Variants in TGFBR3 observed in about 807,000 individuals in gnomAD.
TGFBR3 encodes the protein transforming growth factor beta receptor 3.
TGFBR3 carries 46 observed loss-of-function variants against 87.9 expected under a neutral mutation model. The ratio of observed to expected loss-of-function variants is 0.52; its 90% CI spans 0.41 to 0.67. The LOEUF (loss-of-function observed/expected upper bound fraction) is 0.67, where lower values mean the gene tolerates loss of function less well. Ranked by LOEUF, TGFBR3 falls within the 30% of genes least tolerant of loss-of-function variation. The pLI is 0.00. For synonymous variants in TGFBR3, 381 were observed against 391.6 expected (o/e 0.97, Z 0.32); for missense variants, 866 against 1,041.9 (o/e 0.83, Z 2.32).
At chr1:91,742,404 C>T (rs543868872) in intron 4 of TGFBR3, among the ~76,000 whole-genome samples, 1 of 152,190 alleles carries the variant, frequency 6.6e-6, no homozygotes, top group Non-Finnish European at 1.5e-5. Context: ...ATGTTGTTAC[C>T]TACAGGAAAA....
At chr1:91,761,031 T>C (rs1023418328) in intron 3 of TGFBR3, among the ~76,000 whole-genome samples, 10 of 152,348 alleles carry the variant, frequency 6.6e-5, no homozygotes, top group African/African-American at 2.2e-4. Context: ...ATTTACTGAG[T>C]ACCATAATGA....
chr1:91,687,039 G>C (rs1165953830), intron 16 of TGFBR3, among the ~76,000 whole-genome samples: 1 of 152,196 alleles, frequency 6.6e-6, no homozygotes, highest in Non-Finnish European at 1.5e-5. Flanking sequence ...GTAGGGGAGA[G>C]AGGAATTTGG....
intron 2 of TGFBR3, among the ~76,000 whole-genome samples, chr1:91,824,008 T>A (rs920333910): frequency 6.6e-6 from 1 of 152,098 alleles, no homozygotes; most frequent in Non-Finnish European, 1.5e-5. Flanking sequence ...TGCACACCTG[T>A]AGTACCAGTG....
chr1:91,775,073 G>A (rs1337779400), intron 3 of TGFBR3, among the ~76,000 whole-genome samples: 1 of 152,172 alleles, frequency 6.6e-6, no homozygotes, highest in Admixed American at 6.5e-5. Context: ...AGCTGGTTAT[G>A]GCATGGTTGG....
chr1:91,722,919 T>A (rs1022628132), intron 7 of TGFBR3, among the ~76,000 whole-genome samples: 2 of 152,374 alleles, frequency 1.3e-5, no homozygotes, highest in Non-Finnish European at 2.9e-5. Context: ...GGTCCCTCAC[T>A]GACTGAACCA....
At chr1:91,801,003 A>C (rs1483829279) in intron 2 of TGFBR3, 2 of 220,716 alleles carry the variant, frequency 9.1e-6, no homozygotes, top group South Asian at 1.1e-4. Context: ...GAATCGCTTG[A>C]ACCCGGGAGG....
intron 2 of TGFBR3, among the ~76,000 whole-genome samples, chr1:91,853,297 A>G (rs1317907032): frequency 6.6e-6 from 1 of 151,462 alleles, no homozygotes; most frequent in African/African-American, 2.4e-5. Context: ...AAGAAGAAAA[A>G]AAGGGGAGGG....
intron 14 of TGFBR3, among the ~76,000 whole-genome samples, chr1:91,702,481 C>T (rs1671655689): frequency 6.6e-6 from 1 of 151,010 alleles, no homozygotes; most frequent in Non-Finnish European, 1.5e-5. Context: ...CCCGTCTCTA[C>T]TAAAAATACA....
At chr1:91,730,295 C>T (rs558096921) in intron 5 of TGFBR3, among the ~76,000 whole-genome samples, 1 of 152,280 alleles carries the variant, frequency 6.6e-6, no homozygotes, top group South Asian at 2.1e-4. Context: ...TCCTCCTCTG[C>T]TCAGAATCTG....
In TGFBR3 at chr1:91,681,719, AT is replaced by A; in HGVS notation, c.*2019del. On this transcript the variant is annotated 3_prime_UTR_variant, in exon 17 of 17. Coordinates refer to ENST00000212355, the MANE Select transcript of TGFBR3 (RefSeq NM_003243.5). ...CACTTAAATATATCTTTATACACAA[AT>A]TTTGTAGTAAAATATAGCTATAAGT... The A allele has an allele frequency of 2.3e-6, 1 of 433,908 alleles. No individual in the cohort carries two copies. The highest frequency in any genetic ancestry group is 1.7e-5 in the South Asian group (1 of 58,914). 26.9% of individuals were successfully genotyped at this position (433,908 alleles called of 1,614,324 possible).
chr1:91,899,010 G>A (rs1212597868), intron 2 of TGFBR3, among the ~76,000 whole-genome samples: 1 of 152,134 alleles, frequency 6.6e-6, no homozygotes, highest in Non-Finnish European at 1.5e-5. Flanking sequence ...TTTCCTCCTT[G>A]TGATACTTAT....
chr1:91,686,812 GTA>G (rs1671103552), intron 16 of TGFBR3, among the ~76,000 whole-genome samples: 1 of 152,174 alleles, frequency 6.6e-6, no homozygotes, highest in Non-Finnish European at 1.5e-5. Context: ...TGGGTGACAA[GTA>G]TAACAAGGCT....
rs1377428622 is a variant in TGFBR3 at position 91,770,084 on chromosome 1, G to A, written c.247-11334C>T. On this transcript the variant is annotated intron_variant, in intron 3 of 16. Transcript: ENST00000212355. ...GCTAGGCTGGACTGCCTGCCCTGGT[G>A]CAAAGGTCTGGAGAGAAACTCATAG... 2.0e-5 allele frequency among the ~76,000 whole-genome samples: 3 copies of A among 152,274 alleles called. No individual in the cohort carries two copies. The East Asian group carries it at 5.8e-4, about 29-fold the overall frequency.
intron 3 of TGFBR3, chr1:91,783,138 T>C (rs7536947): frequency 0.15 from 23,016 of 152,194 alleles, 2,345 homozygotes; most frequent in African/African-American, 0.28. Flanking sequence ...CTGTCCTTGC[T>C]TCACAGTGAG....
At chr1:91,876,275 T>C (rs774138943) in intron 1 of TGFBR3, among the ~76,000 whole-genome samples, 2 of 152,136 alleles carry the variant, frequency 1.3e-5, no homozygotes, top group Admixed American at 6.5e-5. Context: ...AGGTGTAAGG[T>C]GTGAGAAACA....
intron 4 of TGFBR3, among the ~76,000 whole-genome samples, chr1:91,740,787 C>T (rs910071047): frequency 6.6e-6 from 1 of 152,178 alleles, no homozygotes; most frequent in Non-Finnish European, 1.5e-5. Flanking sequence ...GCTCCAGACA[C>T]TGCATTAATT....
chr1:91,711,353 T>C (rs1671976621), intron 13 of TGFBR3, among the ~76,000 whole-genome samples: 1 of 152,242 alleles, frequency 6.6e-6, no homozygotes, highest in Non-Finnish European at 1.5e-5. Flanking sequence ...TTCAGATCAA[T>C]TGTAATCTAT....
chr1:91,691,984 C>T (rs1671281208), intron 16 of TGFBR3, among the ~76,000 whole-genome samples: 1 of 151,102 alleles, frequency 6.6e-6, no homozygotes, highest in Non-Finnish European at 1.5e-5. Context: ...GGTGACAGAG[C>T]GAGACTCCGT....
chr1:91,690,234 A>G (rs933870521), intron 16 of TGFBR3, among the ~76,000 whole-genome samples: 5 of 152,192 alleles, frequency 3.3e-5, no homozygotes, highest in African/African-American at 1.2e-4. Flanking sequence ...TATGAGAAGC[A>G]GAATAGTTCT....
Sources: allele counts gnomAD v4.1 joint callset (sites outside exome capture counted in the v4.1 genomes callset), GRCh38; gene constraint gnomAD v4.1.1; transcripts MANE v1.5; gene names NCBI Gene and HGNC (gene_info 2026-07-23, HGNC 2026-07-21).